METTL15: variants seen among roughly 807,000 people sequenced by gnomAD.
METTL15 encodes 12S rRNA N(4)-cytidine methyltransferase METTL15.
A neutral mutation model predicts 38.3 loss-of-function variants in METTL15; 34 were observed. The observed-to-expected ratio is 0.89, with a 90% CI of 0.68 to 1.18. The LOEUF (loss-of-function observed/expected upper bound fraction) is 1.18, where lower values mean the gene tolerates loss of function less well. Ranked by LOEUF, METTL15 falls within the 50% of genes most tolerant of loss-of-function variation. METTL15 has a pLI of 0.00. For synonymous variants in METTL15, 162 were observed against 170.9 expected (o/e 0.95, Z 0.41); for missense variants, 438 against 498.4 (o/e 0.88, Z 1.15).
intron 5 of METTL15, among the ~76,000 whole-genome samples, chr11:28,396,263 GA>G (rs2133399074): frequency 6.6e-6 from 1 of 152,226 alleles, no homozygotes; most frequent in South Asian, 2.1e-4. Flanking sequence ...GCAGGAGAAA[GA>G]AATAAAGCGT....
At chr11:28,181,792 C>CA (rs1851300192) in intron 3 of METTL15, among the ~76,000 whole-genome samples, 1 of 152,088 alleles carries the variant, frequency 6.6e-6, no homozygotes, top group African/African-American at 2.4e-5. Flanking sequence ...ATTACTGGGT[C>CA]AAATGATATT....
intron 6 of METTL15, among the ~76,000 whole-genome samples, chr11:28,320,071 C>A (rs540402877): frequency 1.1e-3 from 161 of 152,022 alleles, no homozygotes; most frequent in African/African-American, 3.8e-3. Context: ...ACTATGTATT[C>A]AGAAATGTTT....
chr11:28,198,703 T>A (rs1467613534), intron 3 of METTL15, among the ~76,000 whole-genome samples: 1 of 152,120 alleles, frequency 6.6e-6, no homozygotes, highest in Admixed American at 6.6e-5. Flanking sequence ...AAGACAATAA[T>A]AAATCAAGGG....
At chr11:28,426,381 G>T (rs1185386410) in intron 6 of METTL15, among the ~76,000 whole-genome samples, 1 of 151,940 alleles carries the variant, frequency 6.6e-6, no homozygotes, top group Admixed American at 6.6e-5. Flanking sequence ...TTGCTATTGT[G>T]AATAGTGCTG....
intron 4 of METTL15, among the ~76,000 whole-genome samples, chr11:28,233,778 G>A (rs1404008815): frequency 4.0e-5 from 6 of 151,656 alleles, no homozygotes; most frequent in Non-Finnish European, 8.8e-5. Flanking sequence ...TCACTGTTTT[G>A]AATTCCTCTG....
chr11:28,252,635 T>C (rs1327321539), intron 4 of METTL15, among the ~76,000 whole-genome samples: 1 of 152,162 alleles, frequency 6.6e-6, no homozygotes, highest in Non-Finnish European at 1.5e-5. Flanking sequence ...ACTTTGCTTC[T>C]AGAATTTTTC....
chr11:28,419,258 G>T (rs1213932851), intron 5 of METTL15, among the ~76,000 whole-genome samples: 1 of 152,206 alleles, frequency 6.6e-6, no homozygotes, highest in Non-Finnish European at 1.5e-5. Flanking sequence ...GTGGTCACCT[G>T]TGTGACCTCT....
downstream of METTL15, among the ~76,000 whole-genome samples, chr11:28,530,797 G>C (rs906737091): frequency 5.3e-5 from 8 of 151,908 alleles, no homozygotes; most frequent in Admixed American, 5.2e-4. Context: ...TTTAAAAATA[G>C]GCCCCAACTG....
At chr11:28,334,632 G>A (rs1205040554), downstream of METTL15, among the ~76,000 whole-genome samples, 6 of 151,972 alleles carry the variant, frequency 3.9e-5, no homozygotes, top group Non-Finnish European at 7.4e-5. Flanking sequence ...TTCTAAAGAG[G>A]CTGGGTTGTA....
At chr11:28,375,950 G>A (rs1175095912) in intron 5 of METTL15, among the ~76,000 whole-genome samples, 2 of 152,046 alleles carry the variant, frequency 1.3e-5, no homozygotes, top group African/African-American at 2.4e-5. Flanking sequence ...GGAGCAGGTT[G>A]TTCAGTTTCC....
intron 6 of METTL15, among the ~76,000 whole-genome samples, chr11:28,325,255 T>C (rs984689631): frequency 1.3e-5 from 2 of 152,240 alleles, no homozygotes; most frequent in African/African-American, 4.8e-5. Flanking sequence ...ATGCCTTTGC[T>C]CTGAACTCAC....
At chr11:28,113,889 G>A (rs1851830242) in intron 3 of METTL15, among the ~76,000 whole-genome samples, 2 of 152,152 alleles carry the variant, frequency 1.3e-5, no homozygotes, top group Admixed American at 1.3e-4. Flanking sequence ...TTGCCTAACT[G>A]TAGGGTAACG....
In METTL15 at chr11:28,447,495, C is replaced by T. The variant is rs560552460; in HGVS notation, c.*424+23131C>T. Reference sequence around the variant, plus strand: ...GTCCTGGTGATAAAGTATTGAATAACGAAAACATGAACCTTGATCTCCTTT... The same window carrying T: ...GTCCTGGTGATAAAGTATTGAATAATGAAAACATGAACCTTGATCTCCTTT... On this transcript the variant is annotated intron_variant and NMD_transcript_variant, in intron 6 of 7. Transcript: ENST00000532947. 5.3e-5 allele frequency among the ~76,000 whole-genome samples: 8 copies of T among 152,204 alleles called. No homozygotes were observed. In the South Asian group the frequency reaches 1.7e-3, roughly 32 times the overall value.
chr11:28,531,826 A>G (rs544826551), downstream of METTL15, among the ~76,000 whole-genome samples: 1 of 152,164 alleles, frequency 6.6e-6, no homozygotes, highest in East Asian at 1.9e-4. Context: ...CAATAGATAG[A>G]CACAGAGAAT....
chr11:28,464,779 C>T (rs577542466), intron 6 of METTL15, among the ~76,000 whole-genome samples: 1 of 152,184 alleles, frequency 6.6e-6, no homozygotes, highest in South Asian at 2.1e-4. Context: ...CCTAAAGGCT[C>T]AGATCACCAA....
At chr11:28,375,540 A>G (rs1354344197) in intron 5 of METTL15, among the ~76,000 whole-genome samples, 1 of 151,466 alleles carries the variant, frequency 6.6e-6, no homozygotes, top group Non-Finnish European at 1.5e-5. Flanking sequence ...TATTGTGTCT[A>G]TTTGATTCTT....
At chr11:28,334,472 CAG>C (rs1849882722), downstream of METTL15, among the ~76,000 whole-genome samples, 1 of 151,886 alleles carries the variant, frequency 6.6e-6, no homozygotes, top group Non-Finnish European at 1.5e-5. Context: ...CTATAATAGA[CAG>C]GGATAAGCAT....
chr11:28,433,832 G>A (rs115984595), intron 6 of METTL15, among the ~76,000 whole-genome samples: 2,369 of 152,118 alleles, frequency 0.016, 70 homozygotes, highest in African/African-American at 0.055. Flanking sequence ...TCCTTGATAC[G>A]TCTTATAGAT....
chr11:28,306,018 A>C (rs1056242140), intron 6 of METTL15, among the ~76,000 whole-genome samples: 1 of 152,148 alleles, frequency 6.6e-6, no homozygotes, highest in Admixed American at 6.6e-5. Flanking sequence ...AGGACCTAAT[A>C]TAATTCCAAA....
Sources: allele counts gnomAD v4.1 joint callset (sites outside exome capture counted in the v4.1 genomes callset), GRCh38; gene constraint gnomAD v4.1.1; transcripts MANE v1.5; gene names NCBI Gene and HGNC (gene_info 2026-07-23, HGNC 2026-07-21).